EXOC7: variants seen among roughly 807,000 people sequenced by gnomAD.
EXOC7 encodes the protein exocyst complex component Exo70.
EXOC7 carries 51 observed loss-of-function variants against 87.6 expected under a neutral mutation model. The observed-to-expected ratio is 0.58, with a 90% CI of 0.46 to 0.73. The LOEUF is 0.73. EXOC7 is among the 30% of genes least tolerant of loss of function. The probability of loss-of-function intolerance (pLI) is 0.00; values close to 1 mark genes in which losing one functional copy is unlikely to be tolerated. For synonymous variants in EXOC7, 327 were observed against 357.1 expected (o/e 0.92, Z 0.95); for missense variants, 744 against 888.4 (o/e 0.84, Z 2.07).
intron 7 of EXOC7, chr17:76,090,159 G>T (rs544236114): frequency 2.7e-6 from 2 of 729,056 alleles, no homozygotes; most frequent in Non-Finnish European, 4.4e-6. Flanking sequence ...CATCTGGAGA[G>T]AGGCAAGGAG....
rs1002454688 is a variant in EXOC7, at chr17:76,083,729, G to C, written c.1974C>G (p.Thr658=). 1.2e-5 allele frequency: 19 copies of C among 1,613,340 alleles called. No homozygotes were observed. The highest frequency in any genetic ancestry group is 1.6e-5 in the Non-Finnish European group (19 of 1,179,990). Residue 658 remains threonine (T), a synonymous_variant, in exon 19 of 19, where the codon ACC becomes ACG. Transcript: ENST00000589210. ...ACTTGATGTACTTCTCCGGGTTCTT[G>C]GTGAAGGGCACGCTGCCAAACCTGA... is the stretch of plus-strand genomic sequence containing the variant. The part of the protein sequence containing the change: ...FLQKFGSVPF[T]KNPEKYIKYG...
rs757368433 is a variant in EXOC7, at chr17:76,084,294, G to A, written c.1777-5C>T. On this transcript the variant is annotated splice_region_variant and splice_polypyrimidine_tract_variant and intron_variant, in intron 16 of 18. Coordinates refer to ENST00000589210, the MANE Select transcript of EXOC7 (RefSeq NM_001013839.4). Reference sequence around the variant, plus strand: ...CTGCCGCTCCTTGTCCCGGAGCTGGGAAGCCAGGAGAGATAGCAGAGAAAG... The same window carrying A: ...CTGCCGCTCCTTGTCCCGGAGCTGGAAAGCCAGGAGAGATAGCAGAGAAAG... 1.2e-6 allele frequency: 2 copies of A among 1,613,490 alleles called. No homozygotes were observed. Among genetic ancestry groups the A allele is most frequent in the African/African-American group, 2.7e-5 (2 of 75,050 alleles).
intron 1 of EXOC7, 67 bp downstream of exon 1, chr17:76,103,566 A>C: frequency 3.8e-6 from 6 of 1,598,796 alleles, no homozygotes; most frequent in Non-Finnish European, 5.1e-6. Context: ...CCATGAGTAG[A>C]CAATCAGGCC....
intron 9 of EXOC7, 23 bp from the exon 10 acceptor site, chr17:76,088,585 C>G: frequency 6.2e-7 from 1 of 1,608,806 alleles, no homozygotes; most frequent in Non-Finnish European, 8.5e-7. Flanking sequence ...AGGGGAGCCC[C>G]CAGCTCACCT....
rs768637771 is a variant in EXOC7, at chr17:76,088,830, C to T, written c.1141G>A (p.Val381Ile). 4.0e-5 allele frequency: 65 copies of T among 1,613,728 alleles called. No homozygotes were observed. Among genetic ancestry groups the T allele is most frequent in the Non-Finnish European group, 5.3e-5 (62 of 1,180,034 alleles). Reference protein sequence around the residue: ...VRHDFSTVLTVFPILRHLKQT... With the variant: ...VRHDFSTVLTIFPILRHLKQT... Reference sequence around the variant, plus strand: ...TTGAGGTGTCGCAGGATGGGGAAGACGGTGAGCACCGTGGAGAAGTCGTGT... The same window carrying T: ...TTGAGGTGTCGCAGGATGGGGAAGATGGTGAGCACCGTGGAGAAGTCGTGT... The change falls in exon 9 of 19, where the codon GTC (valine) becomes ATC (isoleucine). Residue 381 changes from valine (V) to isoleucine (I), a missense_variant. Val to Ile is a conservative substitution (Grantham distance 29). Coordinates refer to ENST00000589210, the MANE Select transcript of EXOC7 (RefSeq NM_001013839.4).
In EXOC7 at chr17:76,101,360, C is replaced by T; in HGVS notation, c.328G>A (p.Glu110Lys). The T allele has an allele frequency of 1.2e-6, 2 of 1,614,060 alleles. No individual in the cohort carries two copies. The highest frequency in any genetic ancestry group is 1.1e-5 in the South Asian group (1 of 91,070). The change falls in exon 4 of 19, where the codon GAA (glutamate) becomes AAA (lysine). Residue 110 changes from glutamate to lysine, a missense_variant. Transcript: ENST00000589210. Reference protein sequence around the residue: ...IIREGPTGRLEEYLGSMAKIQ... With the variant: ...IIREGPTGRLKEYLGSMAKIQ... ...TTGGCCATGCTTCCCAGGTACTCTT[C>T]CAGCCTACCTGTGGGGCTGGGAAAG... is the stretch of plus-strand genomic sequence containing the variant.
rs1377558105 is a variant in EXOC7 at position 76,084,029 on chromosome 17, C to A, written c.1929G>T (p.Glu643Asp). ...IRQAQKTIVK[E>D]TYGAFLQKFG... ...ACTTCTGTAGAAAGGCCCCGTAGGT[C>A]TCCTTGACAATGGTCTTCTGGGCCT... The change falls in exon 18 of 19, where the codon GAG (glutamate) becomes GAT (aspartate). Residue 643 changes from glutamate to aspartate, a missense_variant. Coordinates refer to ENST00000589210, the MANE Select transcript of EXOC7 (RefSeq NM_001013839.4). The A allele has an allele frequency of 1.2e-6, 2 of 1,600,638 alleles. No individual in the cohort carries two copies. Among genetic ancestry groups the A allele is most frequent in the Non-Finnish European group, 8.5e-7 (1 of 1,174,664 alleles).
rs1021499980 is a variant in EXOC7 at position 76,090,914 on chromosome 17, G to A, written c.901+229C>T. On this transcript the variant is annotated intron_variant, in intron 7 of 18. Transcript: ENST00000589210. ...AAGGACAGAGACAGGGAAGGGAGGA[G>A]GGAAGCCTCAGGGAGGGCAGAGCTG... 15 of 585,132 alleles carry A rather than the reference G, an allele frequency of 2.6e-5. No homozygotes were observed. The African/African-American group carries it at 2.6e-4, about 10-fold the overall frequency. The allele number at this position is 585,132 out of a possible 1,614,324, so 36.2% of individuals were successfully genotyped here.
At chr17:76,084,668 T>C in intron 15 of EXOC7, 88 bp from the exon 16 acceptor site, 1 of 1,202,436 alleles carries the variant, frequency 8.3e-7, no homozygotes, top group East Asian at 2.4e-5. Flanking sequence ...CTGGATCTAC[T>C]TGGTGGGTGG....
chr17:76,098,141 A>C (rs2067871594), intron 4 of EXOC7, 123 bp from the exon 5 acceptor site: 2 of 765,274 alleles, frequency 2.6e-6, no homozygotes, highest in Admixed American at 5.6e-5. Context: ...CTGCCCTGAT[A>C]TCTTTTTTTT....
chr17:76,097,703 CAAAAAAAAAAAA>C (rs57781252), intron 5 of EXOC7, 81 bp downstream of exon 5: 6 of 318,280 alleles, frequency 1.9e-5, no homozygotes, highest in Non-Finnish European at 2.7e-5. Flanking sequence ...GACTCCATCT[CAAAAAAAAAAAA>C]AAAAAAAAAA....
At chr17:76,088,651 G>A in intron 9 of EXOC7, 89 bp from the exon 10 acceptor site, 1 of 1,593,700 alleles carries the variant, frequency 6.3e-7, no homozygotes, top group Non-Finnish European at 8.6e-7. Context: ...CTGCTTCCAT[G>A]CACCTTCAGA....
At chr17:76,085,168 T>G in intron 15 of EXOC7, 146 bp downstream of exon 15, 35 of 692,760 alleles carry the variant, frequency 5.1e-5, no homozygotes, top group Non-Finnish European at 6.4e-5. Context: ...CTCCACCCCG[T>G]GAGTTTGATT....
intron 5 of EXOC7, among the ~76,000 whole-genome samples, chr17:76,094,886 C>T (rs1049008488): frequency 2.6e-5 from 4 of 151,930 alleles, no homozygotes; most frequent in African/African-American, 9.7e-5. Flanking sequence ...GCTGGGATTA[C>T]AGGCGTGAGT....
In EXOC7 at chr17:76,101,729, G is replaced by A; in HGVS notation, c.261C>T (p.Val87=). 1 of 1,614,114 alleles carries A rather than the reference G, an allele frequency of 6.2e-7. No individual in the cohort carries two copies. The highest frequency in any genetic ancestry group is 2.2e-5 in the East Asian group (1 of 44,882). ...VEKTLSCLDH[V]ISYYHVASDT... is the part of the protein sequence containing the mutation. ...CACTGGCCACATGGTAGTAGCTGAT[G>A]ACATGGTCCAGGCAGGACAGCGTCT... Residue 87 remains valine (V), a synonymous_variant, in exon 3 of 19, where the codon GTC becomes GTT. Coordinates refer to ENST00000589210, the MANE Select transcript of EXOC7 (RefSeq NM_001013839.4).
chr17:76,098,951 AAAAT>A lies in EXOC7; in HGVS notation c.418-937_418-934del, dbSNP rs1305345193. On this transcript the variant is annotated intron_variant, in intron 4 of 18. Transcript: ENST00000589210. ...CTTGTTAGTGGGGGGTTTGCAAAAGAAAATAAATAAATAAATTGAACAATATCAA... is the reference window on the plus strand; with the variant it reads ...CTTGTTAGTGGGGGGTTTGCAAAAGAAAATAAATAAATTGAACAATATCAA... 1.8e-4 allele frequency among the ~76,000 whole-genome samples: 27 copies of A among 152,310 alleles called. No individual in the cohort carries two copies. The East Asian group carries it at 4.8e-3, about 27-fold the overall frequency.
chr17:76,097,762 T>C, intron 5 of EXOC7, 34 bp downstream of exon 5: 2 of 1,234,102 alleles, frequency 1.6e-6, no homozygotes, highest in South Asian at 1.2e-5. Flanking sequence ...CCTCTGCCTC[T>C]GGTGTGTCAT....
intron 2 of EXOC7, among the ~76,000 whole-genome samples, chr17:76,102,441 C>G (rs1021557970): frequency 6.8e-6 from 1 of 147,976 alleles, no homozygotes; most frequent in African/African-American, 2.6e-5. Context: ...CACACACACA[C>G]ACACACACAC....
Position 76,087,703 on chromosome 17 carries a change from C to A in EXOC7, c.1380G>T (p.Gln460His). The change falls in exon 12 of 19, where the codon CAG becomes CAT. Residue 460 changes from glutamine to histidine, a missense_variant. This residue lies in a region of EXOC7 where 228 missense variants were observed against 298.6 expected (regional missense o/e 0.76). Coordinates refer to ENST00000589210, the MANE Select transcript of EXOC7 (RefSeq NM_001013839.4). ...CCGTCTCCTGGAAGTCCAAAAGCTG[C>A]TGCAGGAAGAGGATGGCCTGGGTGG... ...ELTSNAILFL[Q>H]QLLDFQETAG... is the part of the protein sequence containing the mutation. The A allele has an allele frequency of 6.4e-7, 1 of 1,551,414 alleles. No individual in the cohort carries two copies. The highest frequency in any genetic ancestry group is 8.7e-7 in the Non-Finnish European group (1 of 1,147,010).
Sources: allele counts gnomAD v4.1 joint callset (sites outside exome capture counted in the v4.1 genomes callset), GRCh38; gene constraint gnomAD v4.1.1; regional missense constraint gnomAD v4.1.1; transcripts MANE v1.5; gene names NCBI Gene and HGNC (gene_info 2026-07-23, HGNC 2026-07-21).